CAAP1: variants seen among roughly 807,000 people sequenced by gnomAD.
CAAP1 encodes the protein conserved anti-apoptotic protein.
CAAP1 carries 20 observed loss-of-function variants against 34.0 expected under a neutral mutation model. The observed-to-expected ratio is 0.59, with a 90% confidence interval of 0.41 to 0.86. The LOEUF is 0.86. Ranked by LOEUF, CAAP1 falls within the 40% of genes least tolerant of loss-of-function variation. CAAP1 has a pLI of 0.00. For missense variants in CAAP1, 538 were observed against 450.5 expected, an observed-to-expected ratio of 1.19 and a Z score of -1.76; for synonymous variants, 213 against 166.7, an observed-to-expected ratio of 1.28 and a Z score of -2.14.
intron 4 of CAAP1, among the ~76,000 whole-genome samples, chr9:26,882,355 G>C (rs957839939): frequency 2.0e-5 from 3 of 152,194 alleles, no homozygotes; most frequent in Non-Finnish European, 4.4e-5. Flanking sequence ...GGGCTCCCCT[G>C]CTATGTGTAC....
rs984788769 is a variant in CAAP1 at position 26,885,075 on chromosome 9, T to C, written c.590-190A>G. ...TGCCTTATTAGGTATTTCTCATTGC[T>C]TTTTTTTTTTTTTTTTTTTTAGACG... On this transcript the variant is annotated intron_variant, in intron 3 of 5. Coordinates refer to ENST00000333916, the MANE Select transcript of CAAP1 (RefSeq NM_024828.4). 4.4e-3 allele frequency among the ~76,000 whole-genome samples: 521 copies of C among 119,060 alleles called. 3 individuals are homozygous for C. Among genetic ancestry groups the C allele is most frequent in the African/African-American group, 0.018 (490 of 26,766 alleles). 78.1% of individuals were successfully genotyped at this position (119,060 alleles called of 152,430 possible).
chr9:26,880,337 C>G (rs143387537), intron 4 of CAAP1: 2 of 318,016 alleles, frequency 6.3e-6, no homozygotes, highest in Admixed American at 8.4e-5. Flanking sequence ...TTTCTCAAGC[C>G]AGACCGTGGA....
intron 4 of CAAP1, among the ~76,000 whole-genome samples, chr9:26,877,898 ATTAT>A (rs1823483847): frequency 7.6e-6 from 1 of 131,776 alleles, no homozygotes; most frequent in African/African-American, 2.8e-5. Flanking sequence ...TTATTAAATT[ATTAT>A]TTAATAATTT....
intron 4 of CAAP1, among the ~76,000 whole-genome samples, chr9:26,876,950 T>G (rs1266874502): frequency 1.3e-5 from 2 of 151,990 alleles, no homozygotes; most frequent in African/African-American, 4.8e-5. Flanking sequence ...GGCTGGGAGT[T>G]CAAGACCAGC....
chr9:26,859,987 T>A (rs1356489358), intron 5 of CAAP1, among the ~76,000 whole-genome samples: 1 of 152,214 alleles, frequency 6.6e-6, no homozygotes, highest in Non-Finnish European at 1.5e-5. Flanking sequence ...GACCAGTTTT[T>A]AAACAAATTC....
chr9:26,859,634 T>A (rs1243935502), intron 5 of CAAP1, among the ~76,000 whole-genome samples: 1 of 152,138 alleles, frequency 6.6e-6, no homozygotes, highest in African/African-American at 2.4e-5. Flanking sequence ...TGTAAGGTAA[T>A]ATGATTATGA....
intron 3 of CAAP1, 109 bp from the exon 4 acceptor site, chr9:26,884,994 T>C (rs188662275): frequency 2.8e-5 from 22 of 793,040 alleles, no homozygotes; most frequent in Non-Finnish European, 4.5e-5. Flanking sequence ...TAAAGAACTT[T>C]ATACTGGGTC....
rs1254206816 is a variant in CAAP1, at chr9:26,859,641, A to G, written c.739+1425T>C. Among the ~76,000 whole-genome samples the G allele has an allele frequency of 3.3e-5, 5 of 152,190 alleles. No homozygotes were observed. The East Asian group carries it at 9.6e-4, about 29-fold the overall frequency. Reference sequence around the variant, plus strand: ...ACATGAGGTGTAAGGTAATATGATTATGATTATATTATATAAAAATAATAT... The same window carrying G: ...ACATGAGGTGTAAGGTAATATGATTGTGATTATATTATATAAAAATAATAT... On this transcript the variant is annotated intron_variant, in intron 5 of 5. Coordinates refer to ENST00000333916, the MANE Select transcript of CAAP1 (RefSeq NM_024828.4).
At chr9:26,845,470 G>T (rs563276856) in intron 5 of CAAP1, among the ~76,000 whole-genome samples, 1 of 152,168 alleles carries the variant, frequency 6.6e-6, no homozygotes, top group South Asian at 2.1e-4. Context: ...CCACCTCCAG[G>T]GTTCAAGCGA....
At chr9:26,874,206 CAAAAAAAA>C (rs34601727) in intron 4 of CAAP1, among the ~76,000 whole-genome samples, 8 of 53,238 alleles carry the variant, frequency 1.5e-4, no homozygotes, top group African/African-American at 4.4e-4. Flanking sequence ...GACTCTGTCT[CAAAAAAAA>C]AAAAAAAAAA....
chr9:26,859,439 A>T (rs1230892474), intron 5 of CAAP1, among the ~76,000 whole-genome samples: 1 of 152,112 alleles, frequency 6.6e-6, no homozygotes, highest in Non-Finnish European at 1.5e-5. Flanking sequence ...TTTTCCTAGG[A>T]ACTGGAAATC....
Position 26,840,770 on chromosome 9 carries a change from G to C in CAAP1, c.*1531C>G, listed in dbSNP as rs985022299. 4 of 152,154 alleles carry C rather than the reference G, an allele frequency of 2.6e-5. No homozygotes were observed. Among genetic ancestry groups the C allele is most frequent in the African/African-American group, 9.7e-5 (4 of 41,440 alleles). The allele number at this position is 152,154 out of a possible 1,614,324, so 9.4% of individuals were successfully genotyped here. A position where few individuals can be genotyped will look rare whatever the true frequency, so the allele number is the denominator to read the frequency against. The stretch of plus-strand genomic sequence containing the variant: ...TTTAATCATACAGATGCCATCTACA[G>C]TATTTTGTAGTTAGTAAGCAGCAAT... On this transcript the variant is annotated 3_prime_UTR_variant, in exon 6 of 6. Coordinates refer to ENST00000333916, the MANE Select transcript of CAAP1 (RefSeq NM_024828.4).
At chr9:26,873,771 C>T (rs1384574570) in intron 4 of CAAP1, among the ~76,000 whole-genome samples, 4 of 152,148 alleles carry the variant, frequency 2.6e-5, no homozygotes, top group South Asian at 2.1e-4. Context: ...AATGTTGTCA[C>T]AATTCCTAAT....
chr9:26,876,606 A>G (rs955232867), intron 4 of CAAP1, among the ~76,000 whole-genome samples: 8 of 151,988 alleles, frequency 5.3e-5, no homozygotes, highest in African/African-American at 1.9e-4. Context: ...TGGATACATA[A>G]ATACTTACCA....
intron 1 of CAAP1, among the ~76,000 whole-genome samples, chr9:26,891,551 T>C (rs1032716346): frequency 2.7e-5 from 4 of 149,872 alleles, no homozygotes; most frequent in Non-Finnish European, 5.9e-5. Flanking sequence ...TACATAAAGG[T>C]GTTTGTATTG....
rs1446748575 is a variant in CAAP1, at chr9:26,841,828, A to G, written c.*473T>C. On this transcript the variant is annotated 3_prime_UTR_variant, in exon 6 of 6. Transcript: ENST00000333916. The stretch of plus-strand genomic sequence containing the variant: ...TAACTAGGAAATTTGCATTTACATA[A>G]GGAATCTTCAAAATAGTATATATTT... 1 of 152,452 alleles carries G rather than the reference A, an allele frequency of 6.6e-6. No individual in the cohort carries two copies. The highest frequency in any genetic ancestry group is 1.9e-4 in the East Asian group (1 of 5,206). 9.4% of individuals were successfully genotyped at this position (152,452 alleles called of 1,614,324 possible). A position where few individuals can be genotyped will look rare whatever the true frequency, so the allele number is the denominator to read the frequency against.
rs78010836 is a variant in CAAP1, at chr9:26,842,542, T to C, written c.845A>G (p.Asn282Ser). 1.9e-3 allele frequency: 3,086 copies of C among 1,614,168 alleles called. 46 individuals are homozygous for C. The African/African-American group carries it at 0.036, about 19-fold the overall frequency. Reference protein sequence around the residue: ...EEAAAPEAPENTVQSEAGQID... With the variant: ...EEAAAPEAPESTVQSEAGQID... ...CTGACCAGCTTCACTTTGGACTGTA[T>C]TTTCTGGTGCCTCGGGAGCAGCTGC... is the stretch of plus-strand genomic sequence containing the variant. Residue 282 changes from asparagine (N) to serine (S), a missense_variant, in exon 6 of 6, where the codon AAT (asparagine) becomes AGT (serine). By Grantham distance (46) the Asn-to-Ser change is conservative. Transcript: ENST00000333916.
rs184206392 is a variant in CAAP1 at position 26,861,154 on chromosome 9, T to C, written c.666-15A>G. 1.0e-5 allele frequency: 16 copies of C among 1,572,154 alleles called. No individual in the cohort carries two copies. The East Asian group carries it at 3.4e-4, about 33-fold the overall frequency. On this transcript the variant is annotated splice_polypyrimidine_tract_variant and intron_variant, in intron 4 of 5. Coordinates refer to ENST00000333916, the MANE Select transcript of CAAP1 (RefSeq NM_024828.4). ...AGATGTCTTGCCTGGGAAATGAAAA[T>C]AAGATCAACCTTTAAAACTATATTT...
At chr9:26,876,334 T>C (rs1184044130) in intron 4 of CAAP1, among the ~76,000 whole-genome samples, 1 of 152,170 alleles carries the variant, frequency 6.6e-6, no homozygotes, top group Non-Finnish European at 1.5e-5. Flanking sequence ...CATCTCAAGA[T>C]CCTTAACTTA....
Sources: allele counts gnomAD v4.1 joint callset (sites outside exome capture counted in the v4.1 genomes callset), GRCh38; gene constraint gnomAD v4.1.1; transcripts MANE v1.5; gene names NCBI Gene and HGNC (gene_info 2026-07-23, HGNC 2026-07-21).